Variants in SGIP1 observed in about 807,000 individuals in gnomAD.
SGIP1 encodes the protein SH3-containing GRB2-like protein 3-interacting protein 1.
SGIP1 carries 38 observed loss-of-function variants against 107.5 expected under a neutral mutation model. That is an observed-to-expected ratio of 0.35 (90% CI 0.27 to 0.46). The LOEUF is 0.46. Among genes scored for constraint, SGIP1 ranks in the 20% least tolerant of loss-of-function variants. The pLI is 1.00. For synonymous variants in SGIP1, 365 were observed against 366.1 expected, an observed-to-expected ratio of 1.00 and a Z score of 0.03; for missense variants, 929 against 1,019.5, an observed-to-expected ratio of 0.91 and a Z score of 1.21.
chr1:66,627,730 A>T (rs896325025), intron 2 of SGIP1, among the ~76,000 whole-genome samples: 1 of 152,150 alleles, frequency 6.6e-6, no homozygotes, highest in Non-Finnish European at 1.5e-5. Flanking sequence ...TATAATTTAC[A>T]TTGTTTCTTA....
At chr1:66,551,132 G>A (rs993484853) in intron 1 of SGIP1, among the ~76,000 whole-genome samples, 1 of 152,126 alleles carries the variant, frequency 6.6e-6, no homozygotes, top group East Asian at 1.9e-4. Context: ...TGATGAAGAG[G>A]TAATGAAACT....
chr1:66,726,330 G>A lies in SGIP1; in HGVS notation c.1743-2934G>A, dbSNP rs756425888. Among the ~76,000 whole-genome samples, 11 of 152,186 alleles carry A rather than the reference G, an allele frequency of 7.2e-5. No homozygotes were observed. The South Asian group carries it at 8.3e-4, about 11-fold the overall frequency. On this transcript the variant is annotated intron_variant, in intron 19 of 24. Coordinates refer to ENST00000371037, the MANE Select transcript of SGIP1 (RefSeq NM_032291.4). ...ATTTTCTCAGAGCAGTCAGTAAAGG[G>A]TGAATTGGAACGGGGAGGCAATGAT...
chr1:66,611,377 G>T (rs979696393), intron 1 of SGIP1, among the ~76,000 whole-genome samples: 1 of 152,186 alleles, frequency 6.6e-6, no homozygotes, highest in Non-Finnish European at 1.5e-5. Flanking sequence ...GGATAACGGG[G>T]TTTAAAAACA....
intron 1 of SGIP1, among the ~76,000 whole-genome samples, chr1:66,606,251 C>T (rs1009590831): frequency 6.6e-6 from 1 of 152,136 alleles, no homozygotes; most frequent in Non-Finnish European, 1.5e-5. Flanking sequence ...TAATACCTAT[C>T]CATCAGGATT....
At chr1:66,731,243 A>G (rs1208624216) in intron 20 of SGIP1, among the ~76,000 whole-genome samples, 1 of 152,028 alleles carries the variant, frequency 6.6e-6, no homozygotes, top group East Asian at 1.9e-4. Context: ...GTTTCCCTCC[A>G]TTTTTTGGTT....
Position 66,719,304 on chromosome 1 carries a change from G to A in SGIP1, c.1641G>A (p.Arg547=), listed in dbSNP as rs2093406771. 3 of 1,609,764 alleles carry A rather than the reference G, an allele frequency of 1.9e-6. No homozygotes were observed. The highest frequency in any genetic ancestry group is 2.5e-6 in the Non-Finnish European group (3 of 1,178,346). Residue 547 remains arginine (R), a synonymous_variant, in exon 19 of 25, where the codon AGG becomes AGA. Coordinates refer to ENST00000371037, the MANE Select transcript of SGIP1 (RefSeq NM_032291.4). ...KFYLTFEGSS[R]GPSPLTMGAQ... ...TTTCATTTCATGCAGGTTCTTCCAG[G>A]GGACCCAGCCCCCTAACCATGGGAG...
chr1:66,558,079 T>C (rs17487329), intron 1 of SGIP1, among the ~76,000 whole-genome samples: 7,509 of 152,150 alleles, frequency 0.049, 246 homozygotes, highest in Non-Finnish European at 0.073. Context: ...ATAACTGATA[T>C]TTAGTATGAC....
chr1:66,695,255 TA>T (rs570067011), intron 17 of SGIP1, 178 bp from the exon 18 acceptor site: 53,316 of 935,954 alleles, frequency 0.057, 1 homozygote, highest in Middle Eastern at 0.066. Flanking sequence ...TTTCCTGAAC[TA>T]AAAAAAAAAA....
intron 1 of SGIP1, among the ~76,000 whole-genome samples, chr1:66,569,417 T>C (rs973702254): frequency 1.3e-5 from 2 of 151,932 alleles, no homozygotes; most frequent in African/African-American, 4.8e-5. Context: ...ATTCCTAGTT[T>C]ACTGAGATTT....
rs12735763 is a variant in SGIP1 at position 66,750,038 on chromosome 1, T to G, written c.*6943T>G. ...CTCTTTCTCTGTGTGTGTGTGGGGG[T>G]GTGTGTGTGTGTGTGTGTGTGTGTG... On this transcript the variant is annotated 3_prime_UTR_variant, in exon 25 of 25. Transcript: ENST00000371037. 2.2e-3 allele frequency among the ~76,000 whole-genome samples: 171 copies of G among 78,124 alleles called. 1 individual carries two copies. The highest frequency in any genetic ancestry group is 8.9e-3 in the African/African-American group (154 of 17,258). The allele number at this position is 78,124 out of a possible 152,430, so 51.3% of individuals were successfully genotyped here.
chr1:66,599,595 G>C (rs986607781), intron 1 of SGIP1, among the ~76,000 whole-genome samples: 4 of 152,198 alleles, frequency 2.6e-5, no homozygotes, highest in African/African-American at 9.7e-5. Flanking sequence ...AGTATGAAAA[G>C]ATAGACTTCC....
chr1:66,586,844 C>T (rs2062699920), intron 1 of SGIP1, among the ~76,000 whole-genome samples: 1 of 151,990 alleles, frequency 6.6e-6, no homozygotes, highest in African/African-American at 2.4e-5. Flanking sequence ...TCTCCTTTAG[C>T]TATTTTTTTA....
At chr1:66,657,800 C>G (rs1035890236) in intron 7 of SGIP1, among the ~76,000 whole-genome samples, 1 of 152,176 alleles carries the variant, frequency 6.6e-6, no homozygotes, top group South Asian at 2.1e-4. Context: ...TTCACTTACT[C>G]TATTTCTATT....
intron 1 of SGIP1, among the ~76,000 whole-genome samples, chr1:66,616,771 T>C (rs989598812): frequency 5.9e-5 from 9 of 152,358 alleles, no homozygotes; most frequent in African/African-American, 1.7e-4. Flanking sequence ...GACCATCTTC[T>C]TTAACATTTT....
intron 17 of SGIP1, 66 bp downstream of exon 17, chr1:66,690,382 A>C: frequency 1.3e-6 from 2 of 1,594,642 alleles, no homozygotes; most frequent in Non-Finnish European, 1.7e-6. Flanking sequence ...ATGATCTGAA[A>C]TCCCCAAGGC....
chr1:66,729,935 G>A (rs905599162), intron 20 of SGIP1, among the ~76,000 whole-genome samples: 3 of 152,204 alleles, frequency 2.0e-5, no homozygotes, highest in African/African-American at 7.2e-5. Context: ...CCAAGTAGCT[G>A]AGATTACAGG....
At chr1:66,571,401 A>G (rs2060358853) in intron 1 of SGIP1, among the ~76,000 whole-genome samples, 1 of 152,020 alleles carries the variant, frequency 6.6e-6, no homozygotes, top group Admixed American at 6.6e-5. Context: ...GAGACATATG[A>G]ATGTAGACCT....
chr1:66,583,138 G>C (rs891870853), intron 1 of SGIP1, among the ~76,000 whole-genome samples: 1 of 152,016 alleles, frequency 6.6e-6, no homozygotes, highest in African/African-American at 2.4e-5. Flanking sequence ...AGTGAGATAT[G>C]TCTATGCTAT....
At chr1:66,726,994 T>G (rs2093785890) in intron 19 of SGIP1, among the ~76,000 whole-genome samples, 1 of 152,144 alleles carries the variant, frequency 6.6e-6, no homozygotes, top group Admixed American at 6.5e-5. Context: ...AAAATACAAA[T>G]GAAACTTTTG....
Sources: allele counts gnomAD v4.1 joint callset (sites outside exome capture counted in the v4.1 genomes callset), GRCh38; gene constraint gnomAD v4.1.1; transcripts MANE v1.5; gene names NCBI Gene and HGNC (gene_info 2026-07-23, HGNC 2026-07-21).